Variants in RUNX3 observed in about 807,000 individuals in gnomAD.
The protein encoded by RUNX3 is runt-related transcription factor 3.
In RUNX3, 10 loss-of-function variants were observed where a neutral mutation model predicts 27.7. The ratio of observed to expected loss-of-function variants is 0.36; its 90% CI spans 0.22 to 0.61. The LOEUF is 0.61. Among genes scored for constraint, RUNX3 ranks in the 20% least tolerant of loss-of-function variants. The pLI, the probability that RUNX3 is intolerant of heterozygous loss-of-function variation, is 0.72. For synonymous variants in RUNX3, 270 were observed against 269.2 expected (o/e 1.00, Z -0.03); for missense variants, 469 against 629.5 (o/e 0.75, Z 2.73).
intron 2 of RUNX3, among the ~76,000 whole-genome samples, chr1:24,939,257 G>A (rs767640715): frequency 1.3e-4 from 20 of 152,270 alleles, no homozygotes; most frequent in African/African-American, 2.6e-4. Context: ...CAGCACCCAC[G>A]CTCATGGGCA....
intron 2 of RUNX3, among the ~76,000 whole-genome samples, chr1:24,955,045 T>C (rs1641880311): frequency 6.6e-6 from 1 of 152,178 alleles, no homozygotes; most frequent in Non-Finnish European, 1.5e-5. Context: ...TCCATCTCCA[T>C]GTAATCCTTT....
At chr1:24,908,215 C>T (rs911985917) in intron 3 of RUNX3, among the ~76,000 whole-genome samples, 6 of 147,926 alleles carry the variant, frequency 4.1e-5, no homozygotes, top group African/African-American at 5.2e-5. Context: ...CTACGACACG[C>T]GGTGATCTGA....
intron 2 of RUNX3, among the ~76,000 whole-genome samples, chr1:24,920,743 G>A (rs1447825363): frequency 1.3e-5 from 2 of 151,992 alleles, no homozygotes; most frequent in African/African-American, 4.8e-5. Flanking sequence ...TCTATTTCTC[G>A]TTCTTCTATC....
intron 3 of RUNX3, among the ~76,000 whole-genome samples, chr1:24,907,713 C>T (rs1225261009): frequency 4.6e-5 from 7 of 151,886 alleles, no homozygotes; most frequent in Admixed American, 6.6e-5. Context: ...CTCTACAACA[C>T]GCGGTGATCT....
chr1:24,963,705 G>T (rs948399984), intron 2 of RUNX3, among the ~76,000 whole-genome samples: 5 of 152,144 alleles, frequency 3.3e-5, no homozygotes, highest in South Asian at 4.1e-4. Context: ...AAGGCAGCAG[G>T]GGGTGTCTGA....
chr1:24,917,976 G>A (rs780516849), intron 3 of RUNX3, among the ~76,000 whole-genome samples: 2 of 152,226 alleles, frequency 1.3e-5, no homozygotes, highest in Non-Finnish European at 2.9e-5. Flanking sequence ...GATCTCAGCA[G>A]GAGGGAACCA....
At chr1:24,926,990 C>T (rs1641111756) in intron 2 of RUNX3, among the ~76,000 whole-genome samples, 1 of 151,842 alleles carries the variant, frequency 6.6e-6, no homozygotes, top group Admixed American at 6.6e-5. Context: ...GTGGCACACC[C>T]GCCTTGACTC....
At chr1:24,949,782 C>G (rs2124358489) in intron 2 of RUNX3, among the ~76,000 whole-genome samples, 1 of 152,388 alleles carries the variant, frequency 6.6e-6, no homozygotes, top group South Asian at 2.1e-4. Context: ...TGGGCCAGGC[C>G]TCTCTGGAGC....
intron 2 of RUNX3, among the ~76,000 whole-genome samples, chr1:24,936,234 A>G (rs556704238): frequency 2.0e-4 from 31 of 152,276 alleles, no homozygotes; most frequent in African/African-American, 7.2e-4. Flanking sequence ...TTTTTGCTTC[A>G]CAGTATTCTT....
chr1:24,943,502 G>A lies in RUNX3; in HGVS notation c.59-13650C>T, dbSNP rs112666082. Among the ~76,000 whole-genome samples the A allele has an allele frequency of 3.3e-5, 5 of 152,284 alleles. No homozygotes were observed. Among genetic ancestry groups the A allele is most frequent in the African/African-American group, 1.2e-4 (5 of 41,562 alleles). On this transcript the variant is annotated intron_variant, in intron 2 of 6. Coordinates refer to the RUNX3 transcript ENST00000338888. The surrounding 1 kb of genome is among the most constrained non-coding windows in gnomAD (Gnocchi z 4.6). ...TCTGTGATCATCCCCACTTACAGTT[G>A]GGGAAACTGAGGCTCGGCAAGGTTA...
chr1:24,932,190 A>G (rs1557848400), upstream of RUNX3, among the ~76,000 whole-genome samples: 1 of 152,030 alleles, frequency 6.6e-6, no homozygotes, highest in Non-Finnish European at 1.5e-5. Flanking sequence ...TCCGCTTACG[A>G]TGGGTTCACA....
intron 3 of RUNX3, among the ~76,000 whole-genome samples, chr1:24,915,317 G>C (rs1640868208): frequency 6.6e-6 from 1 of 152,106 alleles, no homozygotes; most frequent in African/African-American, 2.4e-5. Flanking sequence ...CCAGCTCCTA[G>C]GGAGGCTGAG....
chr1:24,929,544 A>G (rs1557846763), intron 1 of RUNX3, 43 bp downstream of exon 1: 13 of 1,548,018 alleles, frequency 8.4e-6, no homozygotes, highest in Non-Finnish European at 1.1e-5. Context: ...AGACGCCCGG[A>G]GCCCCAGGGC....
chr1:24,964,971 C>G (rs1374607521), exon 1 of RUNX3: 1 of 274,880 alleles, frequency 3.6e-6, no homozygotes, highest in African/African-American at 2.2e-5. Context: ...GCTGACAGAG[C>G]AGAGTGGGCC....
At chr1:24,951,854 G>A (rs532595427) in intron 2 of RUNX3, among the ~76,000 whole-genome samples, 8 of 152,276 alleles carry the variant, frequency 5.3e-5, no homozygotes, top group Admixed American at 3.3e-4. Context: ...GTCTTATAGG[G>A]TTGTGAGGAT....
At chr1:24,960,936 C>T (rs564728539) in intron 2 of RUNX3, among the ~76,000 whole-genome samples, 53 of 152,270 alleles carry the variant, frequency 3.5e-4, no homozygotes, top group Non-Finnish European at 7.1e-4. Context: ...GGGTAGACCC[C>T]AGGGGGCCCC....
In RUNX3 at chr1:24,929,958, C is replaced by T. The variant is rs1424054030; in HGVS notation, c.-90G>A. The T allele has an allele frequency of 1.7e-6, 2 of 1,201,548 alleles. No homozygotes were observed. Among genetic ancestry groups the T allele is most frequent in the African/African-American group, 3.2e-5 (2 of 62,670 alleles). The allele number at this position is 1,201,548 out of a possible 1,614,324, so 74.4% of individuals were successfully genotyped here. ...CGGGCGCCTCCTCGGCCGCCGCTGC[C>T]GCGAGAAGCGGGAAAGCAGAAGCGG... On this transcript the variant is annotated 5_prime_UTR_variant, in exon 1 of 5. Coordinates refer to ENST00000308873, the MANE Select transcript of RUNX3 (RefSeq NM_004350.3).
At chr1:24,957,317 C>T (rs72876153) in intron 2 of RUNX3, among the ~76,000 whole-genome samples, 7,914 of 152,132 alleles carry the variant, frequency 0.052, 690 homozygotes, top group African/African-American at 0.18. Context: ...GCTGACCAAT[C>T]GTCAGCCCAT....
At chr1:24,964,726 CT>C in intron 1 of RUNX3, 1 of 1,472,068 alleles carries the variant, frequency 6.8e-7, no homozygotes, top group Non-Finnish European at 9.0e-7. Flanking sequence ...TTGTTTTTGT[CT>C]CTTTTTTCCC....
Sources: allele counts gnomAD v4.1 joint callset (sites outside exome capture counted in the v4.1 genomes callset), GRCh38; gene constraint gnomAD v4.1.1; non-coding constraint Gnocchi (gnomAD v3.1); transcripts MANE v1.5; gene names NCBI Gene and HGNC (gene_info 2026-07-23, HGNC 2026-07-21).